The following BTNL8 variants were observed in gnomAD, a reference collection of about 807,000 sequenced individuals.
BTNL8 encodes the protein butyrophilin-like protein 8.
Under a neutral mutation model 36.1 loss-of-function variants are expected in BTNL8, and 22 were observed. The ratio of observed to expected loss-of-function variants is 0.61; its 90% CI spans 0.44 to 0.87. The LOEUF (loss-of-function observed/expected upper bound fraction) is 0.87, where lower values mean the gene tolerates loss of function less well. Among genes scored for constraint, BTNL8 ranks in the 40% least tolerant of loss-of-function variants. The pLI, the probability that BTNL8 is intolerant of heterozygous loss-of-function variation, is 0.00. For missense variants in BTNL8, 526 were observed against 616.9 expected (o/e 0.85, Z 1.56); for synonymous variants, 203 against 235.6 (o/e 0.86, Z 1.27).
intron 1 of BTNL8, among the ~76,000 whole-genome samples, chr5:180,902,143 C>T (rs560493624): frequency 6.6e-6 from 1 of 151,758 alleles, no homozygotes; most frequent in African/African-American, 2.4e-5. Flanking sequence ...AGAAAGACGT[C>T]AACTTTGGTT....
chr5:180,950,877 G>T lies in BTNL8; in HGVS notation c.*333G>T. On this transcript the variant is annotated 3_prime_UTR_variant, in exon 8 of 8. Transcript: ENST00000340184. Reference sequence around the variant, plus strand: ...TATTGATGACAGAGTGTATCCTAATGGTTTGTTCATTATATTACACTTTCA... The same window carrying T: ...TATTGATGACAGAGTGTATCCTAATTGTTTGTTCATTATATTACACTTTCA... 2 of 311,674 alleles carry T rather than the reference G, an allele frequency of 6.4e-6. No homozygotes were observed. The highest frequency in any genetic ancestry group is 1.3e-5 in the Non-Finnish European group (2 of 158,366). 19.3% of individuals were successfully genotyped at this position (311,674 alleles called of 1,614,324 possible).
chr5:180,945,912 T>C (rs1352929485), intron 3 of BTNL8: 1 of 312,270 alleles, frequency 3.2e-6, no homozygotes, highest in Non-Finnish European at 7.1e-6. Context: ...AACTAAGTGC[T>C]CTTCCTTGAA....
At chr5:180,899,720 G>A (rs1756741328) in intron 1 of BTNL8, among the ~76,000 whole-genome samples, 1 of 152,206 alleles carries the variant, frequency 6.6e-6, no homozygotes. Flanking sequence ...TTGGGGAAAA[G>A]ACAATGTATC....
At position 180,943,071 on chromosome 5, in the gene BTNL8, A is replaced by G. The variant is rs376295187; in HGVS notation, c.674-4441A>G. ...GGTATTCATATCCAGGATATAAGGA[A>G]CTCAAACAACTCAAGAGTGAAAAAA... is the stretch of plus-strand genomic sequence containing the variant. On this transcript the variant is annotated intron_variant, in intron 3 of 7. Transcript: ENST00000340184. 2.0e-5 allele frequency among the ~76,000 whole-genome samples: 3 copies of G among 151,912 alleles called. No homozygotes were observed. In the East Asian group the frequency reaches 5.8e-4, roughly 29 times the overall value.
At chr5:180,949,600 G>A (rs1453571505) in intron 7 of BTNL8, 2 of 527,460 alleles carry the variant, frequency 3.8e-6, no homozygotes, top group Non-Finnish European at 6.7e-6. Flanking sequence ...GTGGGAGGAA[G>A]TTAGATAGTG....
chr5:180,914,192 A>T (rs1425999861), intron 3 of BTNL8, among the ~76,000 whole-genome samples: 1 of 152,202 alleles, frequency 6.6e-6, no homozygotes, highest in Non-Finnish European at 1.5e-5. Context: ...CTATGCCCAT[A>T]TGAATGGGTT....
chr5:180,899,284 C>T lies in BTNL8; in HGVS notation c.-27C>T, dbSNP rs375262043. ...CCTCTCCTGTCATCCGTTTCCATGC[C>T]GTGAGGTCCATTCACAGAACACATC... On this transcript the variant is annotated 5_prime_UTR_variant, in exon 1 of 8. Transcript: ENST00000340184. The T allele has an allele frequency of 1.8e-5, 29 of 1,613,226 alleles. No homozygotes were observed. The East Asian group carries it at 3.3e-4, about 19-fold the overall frequency.
chr5:180,915,872 A>G (rs1284983530), intron 3 of BTNL8, among the ~76,000 whole-genome samples: 1 of 152,262 alleles, frequency 6.6e-6, no homozygotes, highest in Non-Finnish European at 1.5e-5. Context: ...TAAATTAGGT[A>G]TAGAAGCAAT....
intron 3 of BTNL8, among the ~76,000 whole-genome samples, chr5:180,912,008 G>C (rs768145570): frequency 6.6e-6 from 1 of 152,162 alleles, no homozygotes; most frequent in Non-Finnish European, 1.5e-5. Flanking sequence ...TCCATAATGC[G>C]GGTGGGCTTA....
chr5:180,912,449 G>A (rs977153040), intron 3 of BTNL8, among the ~76,000 whole-genome samples: 1 of 151,610 alleles, frequency 6.6e-6, no homozygotes, highest in Non-Finnish European at 1.5e-5. Context: ...ATATATGTAT[G>A]TGTGTATACA....
At chr5:180,924,141 G>A (rs897554219) in intron 3 of BTNL8, among the ~76,000 whole-genome samples, 2 of 152,146 alleles carry the variant, frequency 1.3e-5, no homozygotes, top group Admixed American at 1.3e-4. Flanking sequence ...CAGCGACTCA[G>A]CCAGCCTTGG....
chr5:180,907,069 T>C lies in BTNL8; in HGVS notation c.50-1517T>C, dbSNP rs1391129048. Among the ~76,000 whole-genome samples, 18 of 110,230 alleles carry C rather than the reference T, an allele frequency of 1.6e-4. 3 individuals carry two copies. The highest frequency in any genetic ancestry group is 2.5e-4 in the African/African-American group (5 of 19,988). The allele number at this position is 110,230 out of a possible 152,430, so 72.3% of individuals were successfully genotyped here. ...TATTTCCTGAATCTGAACGTTGTCCTGCCTTGCTAGATTGGGGAAGTTCTC... is the reference window on the plus strand; with the variant it reads ...TATTTCCTGAATCTGAACGTTGTCCCGCCTTGCTAGATTGGGGAAGTTCTC... On this transcript the variant is annotated intron_variant, in intron 1 of 7. Coordinates refer to ENST00000340184, the MANE Select transcript of BTNL8 (RefSeq NM_001040462.3).
intron 2 of BTNL8, among the ~76,000 whole-genome samples, chr5:180,910,689 A>G (rs1452463442): frequency 6.6e-6 from 1 of 152,016 alleles, no homozygotes; most frequent in Non-Finnish European, 1.5e-5. Context: ...TTACCCCCAC[A>G]CCACTGGCTG....
At position 180,903,220 on chromosome 5, in the gene BTNL8, C is replaced by T. The variant is rs1262449880; in HGVS notation, c.49+3861C>T. On this transcript the variant is annotated intron_variant, in intron 1 of 7. Transcript: ENST00000340184. The stretch of plus-strand genomic sequence containing the variant: ...GACTTTTTGATGATTGCCATTCTAA[C>T]TGGTGTGAGATGGTATCTCATTGTG... Among the ~76,000 whole-genome samples, 9 of 120,758 alleles carry T rather than the reference C, an allele frequency of 7.5e-5. 4 individuals carry two copies. Among genetic ancestry groups the T allele is most frequent in the African/African-American group, 3.8e-4 (9 of 23,758 alleles). The allele number at this position is 120,758 out of a possible 152,430, so 79.2% of individuals were successfully genotyped here.
chr5:180,949,780 C>T, intron 7 of BTNL8, 124 bp from the exon 8 acceptor site: 4 of 1,221,496 alleles, frequency 3.3e-6, no homozygotes, highest in Non-Finnish European at 4.6e-6. Flanking sequence ...CTGCGGGAGG[C>T]TCAGGTCCGG....
intron 1 of BTNL8, among the ~76,000 whole-genome samples, chr5:180,901,186 G>C (rs1756809959): frequency 6.6e-6 from 1 of 152,220 alleles, no homozygotes; most frequent in Non-Finnish European, 1.5e-5. Context: ...ATTTCAGCAA[G>C]ATTTATAAAA....
At chr5:180,948,161 C>A (rs944959133) in intron 4 of BTNL8, 194 bp from the exon 5 acceptor site, 5 of 844,644 alleles carry the variant, frequency 5.9e-6, no homozygotes, top group South Asian at 1.6e-5. Context: ...TTAGCATGCA[C>A]CTTCCTGATC....
In BTNL8 at chr5:180,944,763, T is replaced by A. The variant is rs146095241; in HGVS notation, c.674-2749T>A. Among the ~76,000 whole-genome samples the A allele has an allele frequency of 8.5e-3, 1,299 of 152,310 alleles. 18 individuals carry two copies. The highest frequency in any genetic ancestry group is 0.03 in the African/African-American group (1,246 of 41,554). On this transcript the variant is annotated intron_variant, in intron 3 of 7. Transcript: ENST00000340184. ...ACACATATATCAAAGCACCATTTTG[T>A]ACCCTGTAAATATGAACAATTATTA...
intron 3 of BTNL8, among the ~76,000 whole-genome samples, chr5:180,917,064 C>G (rs1364468954): frequency 1.5e-5 from 2 of 135,946 alleles, no homozygotes; most frequent in Non-Finnish European, 3.0e-5. Flanking sequence ...AACTGGATAA[C>G]CTAGCGGAAA....
Sources: allele counts gnomAD v4.1 joint callset (sites outside exome capture counted in the v4.1 genomes callset), GRCh38; gene constraint gnomAD v4.1.1; transcripts MANE v1.5; gene names NCBI Gene and HGNC (gene_info 2026-07-23, HGNC 2026-07-21).